Variants in C20orf203 observed in about 807,000 individuals in gnomAD.
C20orf203 encodes the protein uncharacterized protein C20orf203.
Under a neutral mutation model 15.9 loss-of-function variants are expected in C20orf203, and 16 were observed. The observed-to-expected ratio is 1.01, with a 90% CI of 0.68 to 1.53. C20orf203 has a LOEUF of 1.53. Ranked by LOEUF, C20orf203 falls within the 40% of genes most tolerant of loss-of-function variation. C20orf203 has a pLI of 0.00. For synonymous variants in C20orf203, 98 were observed against 97.2 expected (o/e 1.01, Z -0.05); for missense variants, 263 against 247.5 (o/e 1.06, Z -0.42).
At chr20:32,637,127 G>C (rs1982157822) in intron 5 of C20orf203, among the ~76,000 whole-genome samples, 1 of 152,206 alleles carries the variant, frequency 6.6e-6, no homozygotes, top group African/African-American at 2.4e-5. Context: ...AACCAGCACA[G>C]GGCTGGGTGC....
intron 5 of C20orf203, among the ~76,000 whole-genome samples, chr20:32,635,817 T>C (rs1982122751): frequency 6.6e-6 from 1 of 152,166 alleles, no homozygotes; most frequent in Non-Finnish European, 1.5e-5. Context: ...ACATTTTCAT[T>C]TTCAGAGACA....
intron 4 of C20orf203, among the ~76,000 whole-genome samples, chr20:32,646,759 C>G (rs1271559055): frequency 6.6e-6 from 1 of 152,210 alleles, no homozygotes; most frequent in Non-Finnish European, 1.5e-5. Context: ...TTACTGTTAC[C>G]ACAGCTGATT....
intron 1 of C20orf203, among the ~76,000 whole-genome samples, chr20:32,667,975 T>A (rs1983073739): frequency 6.6e-6 from 1 of 152,168 alleles, no homozygotes; most frequent in South Asian, 2.1e-4. Context: ...GGCCTAGAAA[T>A]CTTCTAGCCA....
chr20:32,668,490 G>A (rs1207639253), intron 1 of C20orf203, among the ~76,000 whole-genome samples: 1 of 152,030 alleles, frequency 6.6e-6, no homozygotes, highest in East Asian at 1.9e-4. Flanking sequence ...GCTGGGCGTG[G>A]TGGCGGGTGC....
intron 1 of C20orf203, among the ~76,000 whole-genome samples, chr20:32,665,893 G>A (rs1308168948): frequency 6.6e-6 from 1 of 151,962 alleles, no homozygotes; most frequent in Non-Finnish European, 1.5e-5. Flanking sequence ...CCCAGATCAT[G>A]CCACTGCACT....
rs774942359 is a variant in C20orf203 at position 32,651,053 on chromosome 20, T to C, written c.100A>G (p.Ser34Gly). The change falls in exon 3 of 6, where the codon AGT becomes GGT. Residue 34 changes from serine (S) to glycine (G), a missense_variant. Physicochemically the swap from Ser to Gly is moderately conservative, Grantham distance 56 (BLOSUM62 0). Coordinates refer to ENST00000608990, the MANE Select transcript of C20orf203 (RefSeq NM_182584.4). ...DHRQWPPRLA[S>G]FPFTKTGMLS... Reference sequence around the variant, plus strand: ...ATTCCAGTTTTTGTAAAGGGAAAACTGGCCAGGCGAGGTGGCCACTGCCTG... The same window carrying C: ...ATTCCAGTTTTTGTAAAGGGAAAACCGGCCAGGCGAGGTGGCCACTGCCTG... The C allele has an allele frequency of 2.0e-6, 3 of 1,522,204 alleles. No homozygotes were observed. The highest frequency in any genetic ancestry group is 2.5e-5 in the South Asian group (2 of 80,228). 94.3% of individuals were successfully genotyped at this position (1,522,204 alleles called of 1,614,324 possible). A position where few individuals can be genotyped will look rare whatever the true frequency, so the allele number is the denominator to read the frequency against.
intron 1 of C20orf203, among the ~76,000 whole-genome samples, chr20:32,662,740 A>C (rs1043503018): frequency 6.6e-6 from 1 of 151,904 alleles, no homozygotes; most frequent in Non-Finnish European, 1.5e-5. Context: ...CAGCTCTGCC[A>C]AGCATGGTGG....
chr20:32,653,177 A>T (rs1167456363), intron 1 of C20orf203, among the ~76,000 whole-genome samples: 1 of 152,166 alleles, frequency 6.6e-6, no homozygotes, highest in Non-Finnish European at 1.5e-5. Flanking sequence ...AGATGGTCAG[A>T]GTTGGAAGAT....
chr20:32,655,202 A>G (rs1982725444), intron 1 of C20orf203, among the ~76,000 whole-genome samples: 1 of 152,174 alleles, frequency 6.6e-6, no homozygotes, highest in Admixed American at 6.5e-5. Flanking sequence ...ATGACCTTGG[A>G]TTAGGCAATA....
intron 1 of C20orf203, among the ~76,000 whole-genome samples, chr20:32,655,947 C>T (rs1391999229): frequency 6.6e-6 from 1 of 152,198 alleles, no homozygotes; most frequent in African/African-American, 2.4e-5. Context: ...TGGCTTGGTG[C>T]CCTCCTCACA....
chr20:32,663,949 G>T (rs542893127), intron 1 of C20orf203, among the ~76,000 whole-genome samples: 2 of 152,378 alleles, frequency 1.3e-5, no homozygotes, highest in East Asian at 3.9e-4. Context: ...AACCACTCAG[G>T]GCTGAGAATC....
chr20:32,659,400 T>A (rs952057191), intron 1 of C20orf203, among the ~76,000 whole-genome samples: 3 of 152,042 alleles, frequency 2.0e-5, no homozygotes, highest in Non-Finnish European at 2.9e-5. Context: ...CGCAGCTCAA[T>A]GAACACTCTC....
intron 1 of C20orf203, among the ~76,000 whole-genome samples, chr20:32,652,322 CAAAAAAA>C (rs11483593): frequency 0.046 from 833 of 18,188 alleles, 12 homozygotes; most frequent in African/African-American, 0.13. Context: ...GACTCCATCT[CAAAAAAA>C]AAAAAAAAAA....
chr20:32,662,951 AG>A, intron 1 of C20orf203, among the ~76,000 whole-genome samples: 1 of 120,810 alleles, frequency 8.3e-6, no homozygotes, highest in African/African-American at 3.4e-5. Flanking sequence ...ATATAAATAT[AG>A]TTTTTTTTTT....
In C20orf203 at chr20:32,671,840, CAAAAAAAA is replaced by C. The variant is rs869043468; in HGVS notation, c.-264+1784_-264+1791del. ...GGCAACAAGAGTGAAACTCTGTCTC[CAAAAAAAA>C]AAAAAAAAAAAAAAAATAGTAGAAT... On this transcript the variant is annotated intron_variant, in intron 1 of 5. Transcript: ENST00000608990. Among the ~76,000 whole-genome samples, 5 of 66,302 alleles carry C rather than the reference CAAAAAAAA, an allele frequency of 7.5e-5. No homozygotes were observed. In the East Asian group the frequency reaches 1.7e-3, roughly 22 times the overall value. The allele number at this position is 66,302 out of a possible 152,430, so 43.5% of individuals were successfully genotyped here.
intron 1 of C20orf203, among the ~76,000 whole-genome samples, chr20:32,672,406 T>C (rs1983194804): frequency 6.6e-6 from 1 of 151,872 alleles, no homozygotes; most frequent in Non-Finnish European, 1.5e-5. Flanking sequence ...TATACATACA[T>C]ACATACATAC....
intron 1 of C20orf203, among the ~76,000 whole-genome samples, chr20:32,660,330 G>A (rs1982862407): frequency 6.6e-6 from 1 of 152,184 alleles, no homozygotes; most frequent in South Asian, 2.1e-4. Context: ...AAGGTGCCAG[G>A]AACAGCAACC....
At chr20:32,659,595 A>G (rs1354682355) in intron 1 of C20orf203, among the ~76,000 whole-genome samples, 1 of 152,260 alleles carries the variant, frequency 6.6e-6, no homozygotes, top group Non-Finnish European at 1.5e-5. Flanking sequence ...ACTATCTTTG[A>G]GACTGGACCT....
Position 32,650,744 on chromosome 20 carries a change from G to A in C20orf203, c.273C>T (p.Gly91=). 6.5e-7 allele frequency: 1 copy of A among 1,535,634 alleles called. No homozygotes were observed. Among genetic ancestry groups the A allele is most frequent in the Non-Finnish European group, 8.8e-7 (1 of 1,138,828 alleles). ...CAACCCAAATCCTTTCCTGATAAGGGCCTGGGTGTTGCGGAGGAGGAGGCT... is the reference window on the plus strand; with the variant it reads ...CAACCCAAATCCTTTCCTGATAAGGACCTGGGTGTTGCGGAGGAGGAGGCT... ...QRQPPPPQHP[G]PYQERIWVGG... The change falls in exon 4 of 6, where the codon GGC becomes GGT. Residue 91 remains glycine, a synonymous_variant. Coordinates refer to ENST00000608990, the MANE Select transcript of C20orf203 (RefSeq NM_182584.4).
Sources: gnomAD v4.1 joint callset for allele counts (sites outside exome capture counted in the v4.1 genomes callset) on GRCh38, gnomAD v4.1.1 for gene constraint, MANE v1.5 for transcripts, NCBI Gene and HGNC (gene_info 2026-07-23, HGNC 2026-07-21) for gene names.